BLTP3A: variants seen among roughly 807,000 people sequenced by gnomAD.
BLTP3A encodes ICBP90 binding protein 1.
chr6:34,830,355 G>A, the BLTP3A span, among the ~76,000 whole-genome samples: 1 of 151,916 alleles, frequency 6.6e-6, no homozygotes, highest in East Asian at 2.0e-4. Context: ...TTGGGAGGCC[G>A]AGGCGGGCAG....
the BLTP3A span, chr6:34,821,429 T>G: frequency 8.7e-5 from 34 of 392,328 alleles, no homozygotes; most frequent in South Asian, 6.5e-4. Flanking sequence ...TGGTGTGGTC[T>G]GAGTGCATTT....
chr6:34,825,286 C>T, the BLTP3A span, among the ~76,000 whole-genome samples: 1 of 151,816 alleles, frequency 6.6e-6, no homozygotes, highest in Non-Finnish European at 1.5e-5. Flanking sequence ...AAAGGTCTCT[C>T]TCTGGCCTCT....
At chr6:34,862,702 C>T in the BLTP3A span, among the ~76,000 whole-genome samples, 2 of 151,488 alleles carry the variant, frequency 1.3e-5, no homozygotes, top group Non-Finnish European at 2.9e-5. Flanking sequence ...AGTGTGTTGG[C>T]ATGCACCTGT....
At chr6:34,865,272 G>A in the BLTP3A span, among the ~76,000 whole-genome samples, 1 of 152,152 alleles carries the variant, frequency 6.6e-6, no homozygotes, top group Non-Finnish European at 1.5e-5. Context: ...CATTCCATGT[G>A]TAAGTGAGCA....
the BLTP3A span, among the ~76,000 whole-genome samples, chr6:34,826,059 T>C: frequency 0.18 from 25,629 of 140,594 alleles, 2,906 homozygotes; most frequent in African/African-American, 0.29. Flanking sequence ...AGATGGAGTC[T>C]CACTCTGTTG....
the BLTP3A span, chr6:34,872,437 G>T: frequency 6.2e-7 from 1 of 1,606,150 alleles, no homozygotes. Flanking sequence ...TTTGAGCTCT[G>T]AAACCAGTGG....
At chr6:34,821,539 T>C in the BLTP3A span, 1 of 1,064,190 alleles carries the variant, frequency 9.4e-7, no homozygotes. Context: ...TTGACTAGCC[T>C]TAACAAATGT....
the BLTP3A span, among the ~76,000 whole-genome samples, chr6:34,800,075 CT>C: frequency 2.0e-4 from 29 of 147,078 alleles, no homozygotes; most frequent in East Asian, 7.9e-4. Flanking sequence ...TCCTATTTAT[CT>C]TTTTTTTTTT....
the BLTP3A span, among the ~76,000 whole-genome samples, chr6:34,838,214 C>G: frequency 6.6e-6 from 1 of 152,176 alleles, no homozygotes; most frequent in African/African-American, 2.4e-5. Context: ...TTCATTTCTT[C>G]TTACATTATG....
the BLTP3A span, among the ~76,000 whole-genome samples, chr6:34,797,058 A>C: frequency 6.6e-6 from 1 of 152,144 alleles, no homozygotes; most frequent in African/African-American, 2.4e-5. Flanking sequence ...ATACATACCT[A>C]GTAGTTTTTT....
chr6:34,836,189 T>A, the BLTP3A span: 1 of 1,614,194 alleles, frequency 6.2e-7, no homozygotes, highest in Non-Finnish European at 8.5e-7. Flanking sequence ...CCAGCAGTCC[T>A]GGGCCCAGGC....
chr6:34,864,059 A>C, the BLTP3A span: 3 of 1,613,776 alleles, frequency 1.9e-6, no homozygotes, highest in East Asian at 6.7e-5. Context: ...GAGGTGCTGC[A>C]CGACTCCGAT....
the BLTP3A span, among the ~76,000 whole-genome samples, chr6:34,837,256 C>T: frequency 6.6e-6 from 1 of 152,184 alleles, no homozygotes; most frequent in South Asian, 2.1e-4. Flanking sequence ...GATCTAGATT[C>T]ACTGGCCAGG....
At chr6:34,805,280 C>CAA in the BLTP3A span, among the ~76,000 whole-genome samples, 4 of 147,380 alleles carry the variant, frequency 2.7e-5, no homozygotes, top group East Asian at 5.9e-4. Context: ...GATCATGACT[C>CAA]AAAAAAAAAA....
chr6:34,867,630 T>C, the BLTP3A span: 28 of 1,609,720 alleles, frequency 1.7e-5, no homozygotes, highest in Non-Finnish European at 2.4e-5. Context: ...AGGATGGTAG[T>C]CATTCCACGA....
chr6:34,826,944 A>C, the BLTP3A span, among the ~76,000 whole-genome samples: 1 of 152,202 alleles, frequency 6.6e-6, no homozygotes, highest in African/African-American at 2.4e-5. Context: ...ATTGTCTGCA[A>C]AACTGTGTAC....
the BLTP3A span, among the ~76,000 whole-genome samples, chr6:34,862,124 A>G: frequency 1.3e-5 from 2 of 152,146 alleles, no homozygotes; most frequent in African/African-American, 4.8e-5. Flanking sequence ...CACGCTTGTA[A>G]TCCCAGCACT....
chr6:34,857,364 T>C, the BLTP3A span: 1 of 1,614,220 alleles, frequency 6.2e-7, no homozygotes, highest in Non-Finnish European at 8.5e-7. Flanking sequence ...AAAAGCCATC[T>C]ACACTCCTTT....
chr6:34,843,005 A>C, the BLTP3A span, among the ~76,000 whole-genome samples: 1 of 152,106 alleles, frequency 6.6e-6, no homozygotes, highest in African/African-American at 2.4e-5. Flanking sequence ...TTTTTTTGAA[A>C]CAGGGTCTTG....
Sources: gnomAD v4.1 joint callset for allele counts (sites outside exome capture counted in the v4.1 genomes callset) on GRCh38, gnomAD v4.1.1 for gene constraint, MANE v1.5 for transcripts, NCBI Gene and HGNC (gene_info 2026-07-23, HGNC 2026-07-21) for gene names.